The following CCBE1 variants were observed in gnomAD, a reference collection of about 807,000 sequenced individuals.
The protein encoded by CCBE1 is collagen and calcium-binding EGF domain-containing protein 1.
Under a neutral mutation model 50.0 loss-of-function variants are expected in CCBE1, and 37 were observed. The ratio of observed to expected loss-of-function variants is 0.74; its 90% CI spans 0.57 to 0.97. The LOEUF (loss-of-function observed/expected upper bound fraction) is 0.97, where lower values mean the gene tolerates loss of function less well. Among genes scored for constraint, CCBE1 ranks in the 50% least tolerant of loss-of-function variants. The probability of loss-of-function intolerance (pLI) is 0.00; values close to 1 mark genes in which losing one functional copy is unlikely to be tolerated. For synonymous variants in CCBE1, 234 were observed against 203.7 expected (o/e 1.15, Z -1.27); for missense variants, 538 against 523.8 (o/e 1.03, Z -0.26).
chr18:59,545,181 T>C (rs959422813), intron 2 of CCBE1, among the ~76,000 whole-genome samples: 1 of 152,214 alleles, frequency 6.6e-6, no homozygotes, highest in African/African-American at 2.4e-5. Context: ...GACTCTCTTA[T>C]ACGGTATCTC....
At chr18:59,618,307 A>C (rs957590875) in intron 2 of CCBE1, among the ~76,000 whole-genome samples, 1 of 152,162 alleles carries the variant, frequency 6.6e-6, no homozygotes, top group African/African-American at 2.4e-5. Flanking sequence ...TTAATAAATT[A>C]AGATGTTTTC....
chr18:59,667,147 T>C (rs1049523330), intron 2 of CCBE1, among the ~76,000 whole-genome samples: 2 of 151,814 alleles, frequency 1.3e-5, no homozygotes, highest in African/African-American at 2.4e-5. Context: ...CATACGTCTA[T>C]AGTCCCAGCT....
At chr18:59,560,953 C>A (rs529796928) in intron 2 of CCBE1, among the ~76,000 whole-genome samples, 57 of 152,340 alleles carry the variant, frequency 3.7e-4, no homozygotes, top group African/African-American at 1.3e-3. Flanking sequence ...CAAGATAAGG[C>A]CATGGGGCCT....
intron 2 of CCBE1, among the ~76,000 whole-genome samples, chr18:59,534,006 G>A (rs998969368): frequency 2.0e-5 from 3 of 151,866 alleles, no homozygotes; most frequent in South Asian, 4.1e-4. Context: ...ATTTCATTGA[G>A]AGATTCCAAA....
intron 2 of CCBE1, among the ~76,000 whole-genome samples, chr18:59,579,135 A>G (rs1292507865): frequency 6.6e-6 from 1 of 152,196 alleles, no homozygotes; most frequent in Non-Finnish European, 1.5e-5. Context: ...CTAAAACTCA[A>G]TAATCCCCTC....
At chr18:59,526,963 G>A (rs571305246) in intron 2 of CCBE1, among the ~76,000 whole-genome samples, 17 of 152,316 alleles carry the variant, frequency 1.1e-4, no homozygotes, top group African/African-American at 4.1e-4. Context: ...ACCAAGTGGT[G>A]CTAAGAAGAA....
intron 2 of CCBE1, among the ~76,000 whole-genome samples, chr18:59,508,407 C>A (rs1913980631): frequency 6.6e-6 from 1 of 151,710 alleles, no homozygotes; most frequent in African/African-American, 2.4e-5. Flanking sequence ...ACCAGCCCAG[C>A]CAAAATGGTG....
intron 2 of CCBE1, among the ~76,000 whole-genome samples, chr18:59,616,821 C>T (rs143650030): frequency 1.1e-3 from 169 of 152,298 alleles, no homozygotes; most frequent in African/African-American, 3.6e-3. Flanking sequence ...AATTTCAAAG[C>T]CTGTTCGGAC....
chr18:59,544,091 T>C (rs1298240577), intron 2 of CCBE1, among the ~76,000 whole-genome samples: 2 of 152,216 alleles, frequency 1.3e-5, no homozygotes, highest in East Asian at 1.9e-4. Flanking sequence ...ACATTCATTC[T>C]GTAACACACA....
At chr18:59,496,736 G>A (rs568116955) in intron 2 of CCBE1, among the ~76,000 whole-genome samples, 36 of 152,132 alleles carry the variant, frequency 2.4e-4, no homozygotes, top group Non-Finnish European at 4.6e-4. Flanking sequence ...GGGGCTGCTC[G>A]GCAACTCAGC....
In CCBE1 at chr18:59,590,792, G is replaced by A. The variant is rs138197185; in HGVS notation, c.212+105837C>T. Reference sequence around the variant, plus strand: ...AAATGGGTTTTAATAAGTTGTATTAGGACAACTAAATAGTCCATTAGTAAA... The same window carrying A: ...AAATGGGTTTTAATAAGTTGTATTAAGACAACTAAATAGTCCATTAGTAAA... On this transcript the variant is annotated intron_variant, in intron 2 of 10. Coordinates refer to ENST00000439986, the MANE Select transcript of CCBE1 (RefSeq NM_133459.4). Among the ~76,000 whole-genome samples, 1,348 of 152,194 alleles carry A rather than the reference G, an allele frequency of 8.9e-3. 18 individuals carry two copies. The highest frequency in any genetic ancestry group is 0.03 in the African/African-American group (1,257 of 41,512).
chr18:59,547,171 A>G (rs1236120834), intron 2 of CCBE1, among the ~76,000 whole-genome samples: 1 of 150,598 alleles, frequency 6.6e-6, no homozygotes, highest in East Asian at 2.0e-4. Context: ...AAGGAGAGGG[A>G]GAGAGAGGCA....
chr18:59,596,284 C>T (rs988935547), intron 2 of CCBE1, among the ~76,000 whole-genome samples: 3 of 152,192 alleles, frequency 2.0e-5, no homozygotes, highest in Non-Finnish European at 4.4e-5. Context: ...GGTCCACTCA[C>T]CCTGACCCTA....
intron 2 of CCBE1, among the ~76,000 whole-genome samples, chr18:59,640,676 A>G (rs1434938944): frequency 6.6e-6 from 1 of 152,178 alleles, no homozygotes; most frequent in African/African-American, 2.4e-5. Flanking sequence ...TCTATAGAGC[A>G]AAAGCGGCTA....
intron 2 of CCBE1, among the ~76,000 whole-genome samples, chr18:59,546,795 G>A (rs531481775): frequency 6.6e-6 from 1 of 151,974 alleles, no homozygotes; most frequent in East Asian, 1.9e-4. Context: ...TCTAGGCTTT[G>A]TGTCTATAGT....
intron 2 of CCBE1, among the ~76,000 whole-genome samples, chr18:59,645,108 G>T (rs922460688): frequency 4.6e-5 from 7 of 152,092 alleles, no homozygotes; most frequent in African/African-American, 1.7e-4. Flanking sequence ...ACAAAAATTA[G>T]CCAGGTGTGG....
At chr18:59,530,676 A>G (rs1489044619) in intron 2 of CCBE1, among the ~76,000 whole-genome samples, 2 of 152,232 alleles carry the variant, frequency 1.3e-5, no homozygotes. Flanking sequence ...TGTTCATAAA[A>G]TTGACAGAGC....
chr18:59,580,944 C>T lies in CCBE1; in HGVS notation c.213-100706G>A, dbSNP rs569806285. Among the ~76,000 whole-genome samples the T allele has an allele frequency of 7.2e-5, 11 of 152,198 alleles. 1 individual carries two copies. Among genetic ancestry groups the T allele is most frequent in the African/African-American group, 2.6e-4 (11 of 41,524 alleles). On this transcript the variant is annotated intron_variant, in intron 2 of 10. Transcript: ENST00000439986. Reference sequence around the variant, plus strand: ...GCTTTCCATTAGAAGCCATCTCTCCCGTGGATGAGGAGAGGCACCAGAGCT... The same window carrying T: ...GCTTTCCATTAGAAGCCATCTCTCCTGTGGATGAGGAGAGGCACCAGAGCT...
intron 2 of CCBE1, among the ~76,000 whole-genome samples, chr18:59,617,730 T>G (rs2053655626): frequency 6.6e-6 from 1 of 152,182 alleles, no homozygotes; most frequent in African/African-American, 2.4e-5. Context: ...TTGTAAAGCA[T>G]CTGCATTAGT....
Sources: allele counts gnomAD v4.1 joint callset (sites outside exome capture counted in the v4.1 genomes callset), GRCh38; gene constraint gnomAD v4.1.1; transcripts MANE v1.5; gene names NCBI Gene and HGNC (gene_info 2026-07-23, HGNC 2026-07-21).